The following CDH12 variants were observed in gnomAD, a reference collection of about 807,000 sequenced individuals.
The protein encoded by CDH12 is cadherin-12.
A neutral mutation model predicts 74.1 loss-of-function variants in CDH12; 41 were observed. The observed-to-expected ratio is 0.55, with a 90% CI of 0.43 to 0.72. The LOEUF is 0.72. Among genes scored for constraint, CDH12 ranks in the 30% least tolerant of loss-of-function variants. The probability of loss-of-function intolerance (pLI) is 0.00; values close to 1 mark genes in which losing one functional copy is unlikely to be tolerated. For missense variants in CDH12, 945 were observed against 977.2 expected (o/e 0.97, Z 0.44); for synonymous variants, 399 against 355.0 (o/e 1.12, Z -1.39).
At chr5:22,571,672 C>T (rs1402065014) in intron 1 of CDH12, among the ~76,000 whole-genome samples, 3 of 152,156 alleles carry the variant, frequency 2.0e-5, no homozygotes, top group Non-Finnish European at 4.4e-5. Flanking sequence ...GCAACTCTTA[C>T]TTTGACTTGA....
At chr5:22,511,002 C>A (rs919214847) in intron 1 of CDH12, among the ~76,000 whole-genome samples, 2 of 151,764 alleles carry the variant, frequency 1.3e-5, no homozygotes, top group Non-Finnish European at 2.9e-5. Flanking sequence ...TCAAGCAATT[C>A]TCCTGCCTCA....
intron 3 of CDH12, among the ~76,000 whole-genome samples, chr5:22,309,996 G>T (rs1386911689): frequency 1.8e-4 from 22 of 124,108 alleles, no homozygotes; most frequent in Non-Finnish European, 3.2e-4. Context: ...ACTGGGGGCT[G>T]TTGGGGGGTG....
At chr5:21,873,777 C>A (rs1361319260) in intron 6 of CDH12, among the ~76,000 whole-genome samples, 1 of 152,066 alleles carries the variant, frequency 6.6e-6, no homozygotes, top group Non-Finnish European at 1.5e-5. Context: ...TTTCCAGATG[C>A]TCTCCCTCCC....
chr5:22,338,923 A>G (rs1291371051), intron 3 of CDH12, among the ~76,000 whole-genome samples: 1 of 152,204 alleles, frequency 6.6e-6, no homozygotes, highest in African/African-American at 2.4e-5. Context: ...GGTGACTCCC[A>G]GCTGACAGCC....
chr5:22,723,296 C>T (rs916043029), intron 1 of CDH12, among the ~76,000 whole-genome samples: 1 of 152,098 alleles, frequency 6.6e-6, no homozygotes, highest in African/African-American at 2.4e-5. Flanking sequence ...GTCAGTTTTA[C>T]ACAAAGCGTT....
chr5:22,728,402 A>G (rs2127000209), intron 1 of CDH12, among the ~76,000 whole-genome samples: 2 of 151,978 alleles, frequency 1.3e-5, no homozygotes, highest in Admixed American at 6.6e-5. Context: ...TGTTTCTGTG[A>G]TCTTGTTTCT....
chr5:22,007,930 T>C (rs535714512), intron 5 of CDH12, among the ~76,000 whole-genome samples: 4 of 152,284 alleles, frequency 2.6e-5, no homozygotes, highest in South Asian at 4.1e-4. Flanking sequence ...TTGTGTTGTA[T>C]ATGTGTTGTG....
intron 6 of CDH12, among the ~76,000 whole-genome samples, chr5:21,881,978 T>C (rs1268523533): frequency 1.3e-5 from 2 of 152,320 alleles, no homozygotes; most frequent in African/African-American, 4.8e-5. Flanking sequence ...ATTTTGATAG[T>C]TTATGATGTA....
intron 3 of CDH12, among the ~76,000 whole-genome samples, chr5:22,333,694 GGTCA>G (rs1162404701): frequency 1.3e-5 from 2 of 151,984 alleles, no homozygotes; most frequent in Non-Finnish European, 2.9e-5. Flanking sequence ...CAAAACTAAA[GGTCA>G]GTATTTTTAA....
intron 1 of CDH12, among the ~76,000 whole-genome samples, chr5:22,654,224 CTTTG>C (rs771256168): frequency 1.1e-3 from 152 of 137,512 alleles, no homozygotes; most frequent in Non-Finnish European, 1.6e-3. Flanking sequence ...CTTTTTGTTT[CTTTG>C]TTTCTTTGTT....
At chr5:22,071,252 C>G (rs1278041377) in intron 5 of CDH12, among the ~76,000 whole-genome samples, 3 of 151,678 alleles carry the variant, frequency 2.0e-5, no homozygotes, top group African/African-American at 7.3e-5. Flanking sequence ...CTGGAGAATC[C>G]TAACTAGAAT....
At chr5:22,028,615 T>G (rs1400675021) in intron 5 of CDH12, among the ~76,000 whole-genome samples, 4 of 151,964 alleles carry the variant, frequency 2.6e-5, no homozygotes, top group Non-Finnish European at 4.4e-5. Context: ...TAAAAGAGGA[T>G]ACAAAGAAAT....
intron 5 of CDH12, among the ~76,000 whole-genome samples, chr5:22,031,960 G>A (rs575277195): frequency 7.9e-5 from 12 of 151,894 alleles, no homozygotes; most frequent in Admixed American, 2.6e-4. Context: ...CAAAAATGGC[G>A]CTGATAGACT....
intron 1 of CDH12, among the ~76,000 whole-genome samples, chr5:22,813,219 T>C (rs1749232374): frequency 6.6e-6 from 1 of 152,140 alleles, no homozygotes; most frequent in South Asian, 2.1e-4. Flanking sequence ...TCTGGGACAA[T>C]TATTAGCCTA....
intron 1 of CDH12, among the ~76,000 whole-genome samples, chr5:22,810,929 G>GTA (rs1270009577): frequency 6.9e-6 from 1 of 144,414 alleles, no homozygotes; most frequent in Non-Finnish European, 1.5e-5. Flanking sequence ...GTGTGTGTGT[G>GTA]TATACACATA....
intron 6 of CDH12, among the ~76,000 whole-genome samples, chr5:21,951,547 T>A (rs1443602714): frequency 1.3e-5 from 2 of 152,236 alleles, no homozygotes; most frequent in Non-Finnish European, 2.9e-5. Flanking sequence ...CGTGCCCAGC[T>A]AAGATTTCTA....
intron 3 of CDH12, among the ~76,000 whole-genome samples, chr5:22,357,731 CA>C (rs1035313498): frequency 3.3e-5 from 5 of 151,718 alleles, no homozygotes; most frequent in Admixed American, 1.3e-4. Context: ...AGATTTTTCC[CA>C]AAAAAATGAT....
rs372039381 is a variant in CDH12 at position 22,063,709 on chromosome 5, G to GT, written c.231+14736dup. ...TTAATCTAGATGATTCTGTGAAGGT[G>GT]TTTTTTTTTAATGAGATTAACATTT... On this transcript the variant is annotated intron_variant, in intron 5 of 14. Coordinates refer to ENST00000382254, the MANE Select transcript of CDH12 (RefSeq NM_004061.5). Among the ~76,000 whole-genome samples, 1,375 of 149,266 alleles carry GT rather than the reference G, an allele frequency of 9.2e-3. 21 individuals are homozygous for GT. The highest frequency in any genetic ancestry group is 0.031 in the African/African-American group (1,282 of 40,814).
chr5:22,394,167 A>G (rs1047650628), intron 3 of CDH12, among the ~76,000 whole-genome samples: 1 of 152,138 alleles, frequency 6.6e-6, no homozygotes, highest in Non-Finnish European at 1.5e-5. Context: ...CCTTCTGCCA[A>G]AGGATTACAA....
Sources: gnomAD v4.1 joint callset for allele counts (sites outside exome capture counted in the v4.1 genomes callset) on GRCh38, gnomAD v4.1.1 for gene constraint, MANE v1.5 for transcripts, NCBI Gene and HGNC (gene_info 2026-07-23, HGNC 2026-07-21) for gene names.